Variants in MYO7B observed in about 807,000 individuals in gnomAD.
MYO7B encodes the protein unconventional myosin-VIIb.
Under a neutral mutation model 259.7 loss-of-function variants are expected in MYO7B, and 212 were observed. The observed-to-expected ratio is 0.82, with a 90% CI of 0.73 to 0.91. The LOEUF (loss-of-function observed/expected upper bound fraction) is 0.91. Among genes scored for constraint, MYO7B ranks in the 40% least tolerant of loss-of-function variants. The probability of loss-of-function intolerance (pLI) is 0.00; values close to 1 mark genes in which losing one functional copy is unlikely to be tolerated. For synonymous variants in MYO7B, 1,197 were observed against 1,166.4 expected (o/e 1.03, Z -0.54); for missense variants, 2,732 against 2,813.5 (o/e 0.97, Z 0.66).
intron 1 of MYO7B, among the ~76,000 whole-genome samples, chr2:127,556,087 G>A (rs1272116147): frequency 2.0e-5 from 3 of 152,164 alleles, no homozygotes; most frequent in African/African-American, 2.4e-5. Flanking sequence ...CCAGTGTTAG[G>A]TGCATGTATA....
chr2:127,569,878 A>C lies in MYO7B; in HGVS notation c.560A>C (p.Gln187Pro). ...TISGQHSWIE[Q>P]QVLEANPILE... ...AGTGGCCAGCATTCGTGGATTGAGC[A>C]GCAGGTCCTGGAAGCCAACCCCATC... The change falls in exon 6 of 48, where the codon CAG becomes CCG. Residue 187 changes from glutamine to proline, a missense_variant. Around this residue, in one of 3 missense-constraint regions of MYO7B, gnomAD observed 1,906 missense variants for 2,026.4 expected, o/e 0.94. Coordinates refer to ENST00000409816, the MANE Select transcript of MYO7B (RefSeq NM_001393586.1). 6.2e-7 allele frequency: 1 copy of C among 1,613,370 alleles called. No homozygotes were observed. The highest frequency in any genetic ancestry group is 8.5e-7 in the Non-Finnish European group (1 of 1,179,576).
intron 1 of MYO7B, among the ~76,000 whole-genome samples, chr2:127,544,022 C>T (rs1469344526): frequency 6.6e-6 from 1 of 152,108 alleles, no homozygotes; most frequent in African/African-American, 2.4e-5. Context: ...CTGCCTGCCT[C>T]GGCCTCCCAA....
At position 127,610,926 on chromosome 2, in the gene MYO7B, A is replaced by G. The variant is rs180961110; in HGVS notation, c.3192+910A>G. Among the ~76,000 whole-genome samples the G allele has an allele frequency of 1.7e-3, 258 of 152,308 alleles. 3 individuals carry two copies. Among genetic ancestry groups the G allele is most frequent in the Admixed American group, 0.012 (186 of 15,302 alleles). ...GTCAGATATCTGTAGCTGTGTAACAAATTACCCCCCCCAAACCTAACTGCT... is the reference window on the plus strand; with the variant it reads ...GTCAGATATCTGTAGCTGTGTAACAGATTACCCCCCCCAAACCTAACTGCT... On this transcript the variant is annotated intron_variant, in intron 24 of 47. Coordinates refer to ENST00000409816, the MANE Select transcript of MYO7B (RefSeq NM_001393586.1).
At chr2:127,635,354 G>A (rs1681745418) in intron 43 of MYO7B, 128 bp downstream of exon 43, 3 of 878,566 alleles carry the variant, frequency 3.4e-6, no homozygotes, top group Non-Finnish European at 5.3e-6. Flanking sequence ...CATGTGGTAG[G>A]CAGACCAAGC....
At chr2:127,547,188 C>G (rs927211677) in intron 1 of MYO7B, among the ~76,000 whole-genome samples, 1 of 152,226 alleles carries the variant, frequency 6.6e-6, no homozygotes, top group Non-Finnish European at 1.5e-5. Flanking sequence ...CATCTGTCCA[C>G]TCATCCATCC....
intron 1 of MYO7B, among the ~76,000 whole-genome samples, chr2:127,547,485 G>C (rs1222446691): frequency 6.6e-6 from 1 of 152,196 alleles, no homozygotes; most frequent in Admixed American, 6.5e-5. Flanking sequence ...TTCAGGAACT[G>C]CATGATATTC....
At chr2:127,635,665 T>TG in intron 43 of MYO7B, 57 bp from the exon 44 acceptor site, 4 of 1,520,562 alleles carry the variant, frequency 2.6e-6, no homozygotes, top group Non-Finnish European at 3.6e-6. Flanking sequence ...GGAAAGAGGT[T>TG]GGGGGCGGGT....
At chr2:127,553,408 T>C (rs1693527659) in intron 1 of MYO7B, among the ~76,000 whole-genome samples, 1 of 152,220 alleles carries the variant, frequency 6.6e-6, no homozygotes, top group South Asian at 2.1e-4. Context: ...TGTGTTTCCA[T>C]TTGTTTGTGT....
At chr2:127,583,663 T>G (rs1361809449) in intron 12 of MYO7B, among the ~76,000 whole-genome samples, 1 of 152,122 alleles carries the variant, frequency 6.6e-6, no homozygotes, top group East Asian at 1.9e-4. Context: ...GTTGGAGTTC[T>G]GGGAACAGGG....
chr2:127,554,865 G>A (rs1387846000), intron 1 of MYO7B, among the ~76,000 whole-genome samples: 6 of 151,828 alleles, frequency 4.0e-5, no homozygotes, highest in South Asian at 2.1e-4. Context: ...TAGTTTATGC[G>A]TGTAAAGGTG....
rs1390124377 is a variant in MYO7B, at chr2:127,591,234, TC to T, written c.1992+1007del. The stretch of plus-strand genomic sequence containing the variant: ...GCCTTATGAAATCTAGGTTGCATCT[TC>T]CTTGAAGGCAAAATAGGCAGATGTG... On this transcript the variant is annotated intron_variant, in intron 16 of 47. Transcript: ENST00000409816. Among the ~76,000 whole-genome samples, 4 of 152,190 alleles carry T rather than the reference TC, an allele frequency of 2.6e-5. No individual in the cohort carries two copies. The South Asian group carries it at 8.3e-4, about 32-fold the overall frequency.
At chr2:127,554,653 T>C (rs1693572768) in intron 1 of MYO7B, among the ~76,000 whole-genome samples, 1 of 152,130 alleles carries the variant, frequency 6.6e-6, no homozygotes, top group South Asian at 2.1e-4. Flanking sequence ...ATCAATAGGA[T>C]TGGTTTTCTT....
intron 2 of MYO7B, 33 bp from the exon 3 acceptor site, chr2:127,564,120 G>A (rs1319469646): frequency 7.1e-7 from 1 of 1,412,794 alleles, no homozygotes; most frequent in Non-Finnish European, 9.7e-7. Flanking sequence ...GAGAGAGCGG[G>A]GATCACACCA....
At chr2:127,621,253 A>ATTTTTTTTTTGTTT (rs1680823125) in intron 27 of MYO7B, among the ~76,000 whole-genome samples, 1 of 136,596 alleles carries the variant, frequency 7.3e-6, no homozygotes. Context: ...CTCTTCTGCA[A>ATTTTTTTTTTGTTT]TTTTTTTTTT....
At chr2:127,625,322 C>A in intron 30 of MYO7B, 46 bp from the exon 31 acceptor site, 4 of 1,450,000 alleles carry the variant, frequency 2.8e-6, no homozygotes, top group Non-Finnish European at 3.6e-6. Flanking sequence ...AAGGGGGGAG[C>A]TCTCACTTGT....
rs1232004639 is a variant in MYO7B at position 127,539,033 on chromosome 2, T to C, written c.-24+3202T>C. ...TGGAAAACTTTCAGCACAGTGTCTG[T>C]CTGAGCTCCTACTCTGTTCTGGGGG... On this transcript the variant is annotated intron_variant, in intron 1 of 47. Coordinates refer to ENST00000409816, the MANE Select transcript of MYO7B (RefSeq NM_001393586.1). The surrounding 1 kb of genome is among the most constrained non-coding windows in gnomAD (Gnocchi z 4.0). Among the ~76,000 whole-genome samples the C allele has an allele frequency of 6.6e-6, 1 of 152,170 alleles. No homozygotes were observed. Among genetic ancestry groups the C allele is most frequent in the Non-Finnish European group, 1.5e-5 (1 of 68,022 alleles).
intron 6 of MYO7B, 43 bp from the exon 7 acceptor site, chr2:127,573,877 C>T: frequency 6.2e-7 from 1 of 1,608,738 alleles, no homozygotes; most frequent in South Asian, 1.1e-5. Flanking sequence ...ATTACATTTT[C>T]TCCTCTCTGC....
chr2:127,632,480 C>T, intron 39 of MYO7B, 79 bp downstream of exon 39: 2 of 1,476,090 alleles, frequency 1.4e-6, no homozygotes, highest in East Asian at 2.4e-5. Flanking sequence ...GCCAGCCTTC[C>T]AGGAGCTCAT....
chr2:127,561,270 ATT>A (rs1234171770), intron 2 of MYO7B, among the ~76,000 whole-genome samples: 4 of 144,894 alleles, frequency 2.8e-5, no homozygotes, highest in African/African-American at 7.6e-5. Context: ...GAGGAGAGTA[ATT>A]TTTTTTTTTT....
Sources: gnomAD v4.1 joint callset for allele counts (sites outside exome capture counted in the v4.1 genomes callset) on GRCh38, gnomAD v4.1.1 for gene constraint, gnomAD v4.1.1 regional missense constraint, Gnocchi (gnomAD v3.1) non-coding constraint, MANE v1.5 for transcripts, NCBI Gene and HGNC (gene_info 2026-07-23, HGNC 2026-07-21) for gene names.